VASH2: variants seen among roughly 807,000 people sequenced by gnomAD.
VASH2 encodes the protein tubulinyl-Tyr carboxypeptidase 2.
VASH2 carries 28 observed loss-of-function variants against 37.2 expected under a neutral mutation model. The observed-to-expected ratio is 0.75, with a 90% CI of 0.56 to 1.03. The LOEUF (loss-of-function observed/expected upper bound fraction) is 1.03. Ranked by LOEUF, VASH2 falls within the 50% of genes least tolerant of loss-of-function variation. The pLI is 0.00. For missense variants in VASH2, 419 were observed against 459.1 expected (o/e 0.91, Z 0.80); for synonymous variants, 188 against 174.7 (o/e 1.08, Z -0.60).
chr1:212,979,046 G>T (rs1188083887), intron 7 of VASH2, among the ~76,000 whole-genome samples: 1 of 123,422 alleles, frequency 8.1e-6, no homozygotes, highest in East Asian at 2.3e-4. Context: ...GGGAAGAGAG[G>T]TGCAGGACAT....
intron 7 of VASH2, among the ~76,000 whole-genome samples, chr1:212,977,552 G>A (rs933521907): frequency 2.6e-5 from 4 of 152,006 alleles, no homozygotes; most frequent in African/African-American, 9.6e-5. Flanking sequence ...GGGTGGGGGA[G>A]AGGGTAGGGC....
chr1:212,964,815 A>G (rs1441407828), intron 3 of VASH2, among the ~76,000 whole-genome samples: 4 of 151,774 alleles, frequency 2.6e-5, no homozygotes, highest in Admixed American at 2.6e-4. Flanking sequence ...CCATCCACTC[A>G]TTCATCCATC....
chr1:212,964,942 A>G (rs1180652480), intron 3 of VASH2, among the ~76,000 whole-genome samples: 1 of 145,672 alleles, frequency 6.9e-6, no homozygotes, highest in South Asian at 2.1e-4. Context: ...TTTTTTTTAG[A>G]CAGAATATCA....
At chr1:212,955,280 A>G (rs1457708713) in intron 2 of VASH2, among the ~76,000 whole-genome samples, 2 of 152,204 alleles carry the variant, frequency 1.3e-5, no homozygotes, top group African/African-American at 2.4e-5. Flanking sequence ...TCATTTGACT[A>G]CAGGACATTC....
chr1:212,974,201 C>T, intron 7 of VASH2, 131 bp downstream of exon 7: 3 of 1,203,038 alleles, frequency 2.5e-6, no homozygotes, highest in Middle Eastern at 2.0e-4. Context: ...AGAGGACTGC[C>T]CCTCATTCAG....
chr1:212,978,124 C>G (rs1242240962), intron 7 of VASH2, among the ~76,000 whole-genome samples: 1 of 152,126 alleles, frequency 6.6e-6, no homozygotes, highest in Admixed American at 6.5e-5. Context: ...CATGTTTGGG[C>G]CCCAGTGAAG....
chr1:212,969,341 G>A (rs1296840441), intron 5 of VASH2: 6 of 290,574 alleles, frequency 2.1e-5, no homozygotes, highest in Middle Eastern at 1.7e-3. Flanking sequence ...AACAACAGGC[G>A]CACGCCGCCA....
intron 2 of VASH2, among the ~76,000 whole-genome samples, chr1:212,958,177 T>C (rs961736054): frequency 5.3e-5 from 8 of 152,120 alleles, no homozygotes; most frequent in African/African-American, 1.9e-4. Context: ...AGTGGGAACG[T>C]TGGGAGCCCG....
intron 2 of VASH2, among the ~76,000 whole-genome samples, chr1:212,952,964 T>G (rs1409930533): frequency 1.3e-5 from 2 of 152,206 alleles, no homozygotes; most frequent in Non-Finnish European, 2.9e-5. Flanking sequence ...TGTGCCCAAC[T>G]AGAATCTTGC....
chr1:212,968,387 C>T (rs1004408225), intron 5 of VASH2: 5 of 985,308 alleles, frequency 5.1e-6, no homozygotes, highest in South Asian at 4.7e-5. Flanking sequence ...AGTGGAAGGA[C>T]ATGTGGCTCA....
At chr1:212,965,212 G>C (rs1474588397) in intron 3 of VASH2, among the ~76,000 whole-genome samples, 1 of 152,170 alleles carries the variant, frequency 6.6e-6, no homozygotes, top group Non-Finnish European at 1.5e-5. Context: ...CACTGCACCT[G>C]GCCTTCTGCC....
At chr1:212,965,871 C>T in intron 4 of VASH2, 93 bp downstream of exon 4, 1 of 1,282,778 alleles carries the variant, frequency 7.8e-7, no homozygotes, top group South Asian at 1.3e-5. Flanking sequence ...TAGCCCATGG[C>T]TCAGGTATCC....
Position 212,961,179 on chromosome 1 carries a change from A to G in VASH2, c.290A>G (p.Gln97Arg). 1 of 1,614,098 alleles carries G rather than the reference A, an allele frequency of 6.2e-7. No individual in the cohort carries two copies. The highest frequency in any genetic ancestry group is 8.5e-7 in the Non-Finnish European group (1 of 1,180,000). Residue 97 changes from glutamine (Q) to arginine (R), a missense_variant, in exon 3 of 8, where the codon CAG becomes CGG. Physicochemically the swap from Gln to Arg is conservative, Grantham distance 43 (BLOSUM62 1). Transcript: ENST00000517399. Reference protein sequence around the residue: ...AAFLAKPSIPQVPNYRLSMTI... With the variant: ...AAFLAKPSIPRVPNYRLSMTI... ...ATTTTTCTGCAGCCTTCAATACCCC[A>G]GGTCCCAAACTACAGGCTGTCGATG...
chr1:212,959,088 C>T (rs1473565460), intron 2 of VASH2, among the ~76,000 whole-genome samples: 2 of 152,170 alleles, frequency 1.3e-5, no homozygotes, highest in East Asian at 1.9e-4. Flanking sequence ...TGGGCTTTCT[C>T]TCTCGTTCGT....
chr1:212,973,347 A>G (rs1258074120), intron 6 of VASH2: 14 of 1,260,202 alleles, frequency 1.1e-5, no homozygotes, highest in Non-Finnish European at 1.5e-5. Flanking sequence ...TATATAGACT[A>G]TACTCATACG....
At chr1:212,976,108 G>A (rs1667161093) in intron 7 of VASH2, among the ~76,000 whole-genome samples, 1 of 152,192 alleles carries the variant, frequency 6.6e-6, no homozygotes, top group Admixed American at 6.5e-5. Context: ...AAATGTGGAG[G>A]AAGGAGAGTT....
intron 2 of VASH2, among the ~76,000 whole-genome samples, chr1:212,953,945 T>G (rs1666404476): frequency 6.6e-6 from 1 of 152,172 alleles, no homozygotes; most frequent in African/African-American, 2.4e-5. Context: ...GGCCTTCCTC[T>G]GTCACCCAGG....
chr1:212,960,173 T>C (rs1276756068), intron 2 of VASH2, among the ~76,000 whole-genome samples: 1 of 152,218 alleles, frequency 6.6e-6, no homozygotes, highest in Non-Finnish European at 1.5e-5. Context: ...CGAGTGGATA[T>C]CTTAGCTCTA....
chr1:212,954,821 G>A (rs985605798), intron 2 of VASH2, among the ~76,000 whole-genome samples: 3 of 152,208 alleles, frequency 2.0e-5, no homozygotes, highest in African/African-American at 7.2e-5. Flanking sequence ...CAGCCCAAAT[G>A]TGGACAGTCA....
Sources: allele counts gnomAD v4.1 joint callset (sites outside exome capture counted in the v4.1 genomes callset), GRCh38; gene constraint gnomAD v4.1.1; transcripts MANE v1.5; gene names NCBI Gene and HGNC (gene_info 2026-07-23, HGNC 2026-07-21).